C2CD2: variants seen among roughly 807,000 people sequenced by gnomAD.
The protein encoded by C2CD2 is C2 domain-containing protein 2.
A neutral mutation model predicts 74.3 loss-of-function variants in C2CD2; 43 were observed. That is an observed-to-expected ratio of 0.58 (90% CI 0.45 to 0.75). The LOEUF (loss-of-function observed/expected upper bound fraction) is 0.75. Among genes scored for constraint, C2CD2 ranks in the 30% least tolerant of loss-of-function variants. The probability of loss-of-function intolerance (pLI) is 0.00; values close to 1 mark genes in which losing one functional copy is unlikely to be tolerated. For synonymous variants in C2CD2, 422 were observed against 390.7 expected (o/e 1.08, Z -0.94); for missense variants, 801 against 916.3 (o/e 0.87, Z 1.63).
chr21:41,914,919 G>A (rs1008198472), intron 5 of C2CD2, among the ~76,000 whole-genome samples, 198 bp from the exon 6 acceptor site: 8 of 152,090 alleles, frequency 5.3e-5, no homozygotes, highest in Non-Finnish European at 7.4e-5. Context: ...ATGAGCCATC[G>A]CCATCCTCCT....
intron 2 of C2CD2, among the ~76,000 whole-genome samples, chr21:41,928,634 T>C (rs1318515882): frequency 6.7e-6 from 1 of 149,724 alleles, no homozygotes; most frequent in Non-Finnish European, 1.5e-5. Flanking sequence ...TTTTAAATCA[T>C]GGTGCCCATA....
chr21:41,898,734 C>T (rs1415135697), intron 13 of C2CD2, among the ~76,000 whole-genome samples: 4 of 152,150 alleles, frequency 2.6e-5, no homozygotes, highest in African/African-American at 9.7e-5. Flanking sequence ...CTCTGCAGCC[C>T]ATCATTGTGT....
chr21:41,889,113 G>T lies in C2CD2; in HGVS notation c.*11C>A, dbSNP rs1162312541. On this transcript the variant is annotated 3_prime_UTR_variant, in exon 14 of 14. Transcript: ENST00000380486. ...GCACGTCTTCTGGCTTGGAGGTGATGACCTCAGGCCCTACGTGCAGGGCTC... is the reference window on the plus strand; with the variant it reads ...GCACGTCTTCTGGCTTGGAGGTGATTACCTCAGGCCCTACGTGCAGGGCTC... 6.2e-7 allele frequency: 1 copy of T among 1,604,630 alleles called. No homozygotes were observed. The highest frequency in any genetic ancestry group is 1.7e-5 in the Admixed American group (1 of 60,012).
chr21:41,900,273 C>CAA (rs1004170004), intron 12 of C2CD2, among the ~76,000 whole-genome samples: 2 of 151,402 alleles, frequency 1.3e-5, no homozygotes, highest in Admixed American at 6.6e-5. Context: ...GACTCCGTCT[C>CAA]AAAAAAATAA....
Position 41,887,433 on chromosome 21 carries a change from C to G in C2CD2, c.*1691G>C, listed in dbSNP as rs1048061769. 6.6e-6 allele frequency: 1 copy of G among 151,584 alleles called. No homozygotes were observed. Among genetic ancestry groups the G allele is most frequent in the Non-Finnish European group, 1.5e-5 (1 of 67,912 alleles). The allele number at this position is 151,584 out of a possible 1,614,324, so 9.4% of individuals were successfully genotyped here. A position where few individuals can be genotyped will look rare whatever the true frequency, so the allele number is the denominator to read the frequency against. ...GAAATTCCTAATGTCGTTTTCTAAT[C>G]TCTCTCTCTAAAAAAGAAGAAAAAA... On this transcript the variant is annotated 3_prime_UTR_variant, in exon 14 of 14. Transcript: ENST00000380486.
Position 41,895,256 on chromosome 21 carries a change from T to A in C2CD2, c.1870+3797A>T, listed in dbSNP as rs1324220567. On this transcript the variant is annotated intron_variant, in intron 13 of 13. Coordinates refer to ENST00000380486, the MANE Select transcript of C2CD2 (RefSeq NM_015500.2). This position sits in a 1 kb window ranked among gnomAD's most constrained non-coding sequence, Gnocchi z 5.0. The stretch of plus-strand genomic sequence containing the variant: ...GCGGATTTCAGACCTGTCAATCTCA[T>A]GAGTCAGTTCCTTAAATATGTAACC... 1.3e-5 allele frequency among the ~76,000 whole-genome samples: 2 copies of A among 152,210 alleles called. No homozygotes were observed. Among genetic ancestry groups the A allele is most frequent in the Non-Finnish European group, 2.9e-5 (2 of 68,042 alleles).
rs887994895 is a variant in C2CD2, at chr21:41,912,500, T to A, written c.845-60A>T. Reference sequence around the variant, plus strand: ...TATTTTTATTATTTATTTATTTTTTTTTTTTTTTGAGACAGAGTCTCGCTC... The same window carrying A: ...TATTTTTATTATTTATTTATTTTTTATTTTTTTTGAGACAGAGTCTCGCTC... On this transcript the variant is annotated intron_variant, in intron 6 of 13. Transcript: ENST00000380486. 433 of 847,854 alleles carry A rather than the reference T, an allele frequency of 5.1e-4. 1 individual carries two copies. Among genetic ancestry groups the A allele is most frequent in the South Asian group, 1.5e-3 (51 of 34,338 alleles). The allele number at this position is 847,854 out of a possible 1,614,324, so 52.5% of individuals were successfully genotyped here. A position where few individuals can be genotyped will look rare whatever the true frequency, so the allele number is the denominator to read the frequency against.
Position 41,933,097 on chromosome 21 carries a change from A to C in C2CD2, c.378+9050T>G. Among the ~76,000 whole-genome samples the C allele has an allele frequency of 1.3e-5, 2 of 150,382 alleles. 1 individual carries two copies. The highest frequency in any genetic ancestry group is 3.0e-5 in the Non-Finnish European group (2 of 67,042). On this transcript the variant is annotated intron_variant, in intron 2 of 13. Coordinates refer to ENST00000380486, the MANE Select transcript of C2CD2 (RefSeq NM_015500.2). Reference sequence around the variant, plus strand: ...GCGGCCTTGTCCCTGTCTTGGCTCAAATGCCAACCACATGTCCCTTGTCAA... The same window carrying C: ...GCGGCCTTGTCCCTGTCTTGGCTCACATGCCAACCACATGTCCCTTGTCAA...
In C2CD2 at chr21:41,907,032, CT is replaced by C; in HGVS notation, c.1277del (p.Lys426SerfsTer12). ...VVTTVTAVKT[K>X]PRVDVGRASP... ...ACGCCCTCCCCACGTCGACGCGAGG[CT>C]TGGTCTTCACAGCAGTGACAGTAGT... On this transcript the variant is annotated frameshift_variant, in exon 10 of 14. Coordinates refer to ENST00000380486, the MANE Select transcript of C2CD2 (RefSeq NM_015500.2). LOFTEE classifies it high-confidence loss of function. 1 of 1,614,160 alleles carries C rather than the reference CT, an allele frequency of 6.2e-7. No individual in the cohort carries two copies. Among genetic ancestry groups the C allele is most frequent in the Non-Finnish European group, 8.5e-7 (1 of 1,180,018 alleles).
intron 1 of C2CD2, among the ~76,000 whole-genome samples, chr21:41,952,081 G>A (rs1273659221): frequency 6.6e-6 from 1 of 152,186 alleles, no homozygotes; most frequent in Non-Finnish European, 1.5e-5. Context: ...GCCAACAGGG[G>A]TGGAGGGCTC....
At chr21:41,906,922 T>G in intron 10 of C2CD2, 70 bp downstream of exon 10, 1 of 1,245,386 alleles carries the variant, frequency 8.0e-7, no homozygotes, top group Non-Finnish European at 1.2e-6. Flanking sequence ...AACTCTGCAG[T>G]TGTGGGGGCA....
chr21:41,940,925 T>C (rs1326890145), intron 2 of C2CD2, among the ~76,000 whole-genome samples: 1 of 152,134 alleles, frequency 6.6e-6, no homozygotes, highest in Non-Finnish European at 1.5e-5. Context: ...TGAACATAAC[T>C]GGCAAATAAA....
At position 41,946,507 on chromosome 21, in the gene C2CD2, TAGA is replaced by T. The variant is rs545744017; in HGVS notation, c.280-4265_280-4263del. 7.9e-5 allele frequency among the ~76,000 whole-genome samples: 12 copies of T among 152,254 alleles called. 1 individual carries two copies. The South Asian group carries it at 2.5e-3, about 32-fold the overall frequency. The stretch of plus-strand genomic sequence containing the variant: ...TTTCTCCCCCTCCTGCTCTGGGTCA[TAGA>T]AGATGACCTTCACCTTCCACCAGGA... On this transcript the variant is annotated intron_variant, in intron 1 of 13. Transcript: ENST00000380486.
intron 3 of C2CD2, among the ~76,000 whole-genome samples, chr21:41,921,524 CTT>C (rs2065153876): frequency 6.6e-6 from 1 of 152,164 alleles, no homozygotes; most frequent in Non-Finnish European, 1.5e-5. Context: ...AATTTTTTAA[CTT>C]ATAAAAATAA....
At chr21:41,901,173 C>CA (rs1412699159) in intron 12 of C2CD2, 2 of 257,692 alleles carry the variant, frequency 7.8e-6, no homozygotes, top group African/African-American at 4.4e-5. Flanking sequence ...GCGGTGTCCA[C>CA]GGGGGACACT....
Position 41,929,526 on chromosome 21 carries a change from A to T in C2CD2, c.379-7441T>A, listed in dbSNP as rs2065245240. On this transcript the variant is annotated intron_variant, in intron 2 of 13. Coordinates refer to ENST00000380486, the MANE Select transcript of C2CD2 (RefSeq NM_015500.2). The surrounding 1 kb of genome is among the most constrained non-coding windows in gnomAD (Gnocchi z 4.6). The stretch of plus-strand genomic sequence containing the variant: ...AGTGCCCTAAACGAGCCCAGATCCA[A>T]TCAGGGTCTCCCTGGCTTCTGAGAT... Among the ~76,000 whole-genome samples the T allele has an allele frequency of 6.6e-6, 1 of 152,240 alleles. No individual in the cohort carries two copies. The highest frequency in any genetic ancestry group is 2.4e-5 in the African/African-American group (1 of 41,468).
At chr21:41,927,161 TG>T (rs2146207868) in intron 2 of C2CD2, among the ~76,000 whole-genome samples, 1 of 152,316 alleles carries the variant, frequency 6.6e-6, no homozygotes, top group African/African-American at 2.4e-5. Flanking sequence ...CGGCTAAAGA[TG>T]TATTTTTATT....
At chr21:41,922,476 C>CT (rs34651080) in intron 2 of C2CD2, among the ~76,000 whole-genome samples, 2,159 of 139,438 alleles carry the variant, frequency 0.015, 62 homozygotes, top group African/African-American at 0.052. Context: ...CCATAGGCAT[C>CT]TTTTTTTTTT....
intron 1 of C2CD2, among the ~76,000 whole-genome samples, chr21:41,947,777 C>T (rs901005343): frequency 6.6e-6 from 1 of 152,154 alleles, no homozygotes; most frequent in Non-Finnish European, 1.5e-5. Flanking sequence ...CCAGTTTTCC[C>T]TTCTGCAGAT....
Sources: gnomAD v4.1 joint callset for allele counts (sites outside exome capture counted in the v4.1 genomes callset) on GRCh38, gnomAD v4.1.1 for gene constraint, Gnocchi (gnomAD v3.1) non-coding constraint, MANE v1.5 for transcripts, NCBI Gene and HGNC (gene_info 2026-07-23, HGNC 2026-07-21) for gene names.